Variants in NPFFR2 observed in about 807,000 individuals in gnomAD.
The protein encoded by NPFFR2 is neuropeptide FF receptor 2.
NPFFR2 carries 15 observed loss-of-function variants against 13.1 expected under a neutral mutation model. The ratio of observed to expected loss-of-function variants is 1.15; its 90% CI spans 0.77 to 1.76. NPFFR2 has a LOEUF of 1.76. NPFFR2 is among the 40% of genes most tolerant of loss of function. The pLI is 0.00. For synonymous variants in NPFFR2, 190 were observed against 175.7 expected, an observed-to-expected ratio of 1.08 and a Z score of -0.65; for missense variants, 572 against 503.5, an observed-to-expected ratio of 1.14 and a Z score of -1.30.
At chr4:72,032,547 T>C (rs1254029635) in intron 1 of NPFFR2, among the ~76,000 whole-genome samples, 1 of 152,226 alleles carries the variant, frequency 6.6e-6, no homozygotes, top group Non-Finnish European at 1.5e-5. Flanking sequence ...GGTCTGAAGC[T>C]AGCGAGTTTC....
At chr4:72,130,108 G>A (rs1352949728) in intron 2 of NPFFR2, among the ~76,000 whole-genome samples, 1 of 151,442 alleles carries the variant, frequency 6.6e-6, no homozygotes, top group Non-Finnish European at 1.5e-5. Context: ...ATTTTTCTTA[G>A]TACCTAACAA....
At position 72,049,044 on chromosome 4, in the gene NPFFR2, T is replaced by C. The variant is rs556427732; in HGVS notation, c.-8+16844T>C. 4.6e-5 allele frequency among the ~76,000 whole-genome samples: 7 copies of C among 152,192 alleles called. No homozygotes were observed. In the East Asian group the frequency reaches 1.4e-3, roughly 29 times the overall value. Reference sequence around the variant, plus strand: ...TTCCAATAAAGAAAAGGAAGAAAGTTCTCATTCCCTTATTTTTTGAACCTA... The same window carrying C: ...TTCCAATAAAGAAAAGGAAGAAAGTCCTCATTCCCTTATTTTTTGAACCTA... On this transcript the variant is annotated intron_variant, in intron 1 of 3. Coordinates refer to ENST00000308744, the MANE Select transcript of NPFFR2 (RefSeq NM_004885.3).
At chr4:72,095,411 G>A (rs1042987256) in intron 1 of NPFFR2, among the ~76,000 whole-genome samples, 1 of 152,038 alleles carries the variant, frequency 6.6e-6, no homozygotes, top group African/African-American at 2.4e-5. Flanking sequence ...GCTGTTTTTT[G>A]TTGTTGTTTT....
chr4:72,147,506 C>T lies in NPFFR2; in HGVS notation c.957C>T (p.His319=), dbSNP rs748350364. Residue 319 remains histidine, a synonymous_variant, in exon 4 of 4, where the codon CAC becomes CAT. Coordinates refer to ENST00000308744, the MANE Select transcript of NPFFR2 (RefSeq NM_004885.3). ...IINIYIYPFA[H]WLAFGNSSVN... ...ACATCTACATCTACCCTTTTGCACA[C>T]TGGCTGGCATTCGGCAACAGCAGTG... 6.2e-7 allele frequency: 1 copy of T among 1,614,110 alleles called. No individual in the cohort carries two copies. Among genetic ancestry groups the T allele is most frequent in the African/African-American group, 1.3e-5 (1 of 74,932 alleles).
chr4:72,128,404 A>C, intron 1 of NPFFR2, among the ~76,000 whole-genome samples, 181 bp from the exon 2 acceptor site: 1 of 152,186 alleles, frequency 6.6e-6, no homozygotes, highest in Middle Eastern at 3.2e-3. Context: ...CTCTTGGTTA[A>C]AATCCTAATA....
chr4:72,098,688 T>G (rs575657358), intron 1 of NPFFR2, among the ~76,000 whole-genome samples: 10 of 152,244 alleles, frequency 6.6e-5, no homozygotes, highest in African/African-American at 2.2e-4. Flanking sequence ...GCTAGAAACT[T>G]TACTCACTCC....
At position 72,127,403 on chromosome 4, in the gene NPFFR2, G is replaced by A. The variant is rs868360815; in HGVS notation, c.-7-1182G>A. Among the ~76,000 whole-genome samples the A allele has an allele frequency of 1.5e-4, 13 of 84,392 alleles. No individual in the cohort carries two copies. The East Asian group carries it at 2.2e-3, about 14-fold the overall frequency. 55.4% of individuals were successfully genotyped at this position (84,392 alleles called of 152,430 possible). Reference sequence around the variant, plus strand: ...TTTTGAGACGGAGTCTCGCTCTGTCGCCCAGGCTGGAGTGCAGTGGCGCGA... The same window carrying A: ...TTTTGAGACGGAGTCTCGCTCTGTCACCCAGGCTGGAGTGCAGTGGCGCGA... On this transcript the variant is annotated intron_variant, in intron 1 of 3. Coordinates refer to ENST00000308744, the MANE Select transcript of NPFFR2 (RefSeq NM_004885.3).
At chr4:72,048,893 G>A (rs1219876614) in intron 1 of NPFFR2, among the ~76,000 whole-genome samples, 2 of 151,968 alleles carry the variant, frequency 1.3e-5, no homozygotes, top group Non-Finnish European at 2.9e-5. Flanking sequence ...GCCACAGTGA[G>A]GGGTCAGGTT....
intron 1 of NPFFR2, among the ~76,000 whole-genome samples, chr4:72,101,769 T>A (rs1287923677): frequency 2.0e-5 from 3 of 151,886 alleles, no homozygotes; most frequent in African/African-American, 7.2e-5. Flanking sequence ...ATGTGAAAAA[T>A]AATCAGCTGG....
chr4:72,101,726 G>A (rs1018711736), intron 1 of NPFFR2, among the ~76,000 whole-genome samples: 4 of 151,922 alleles, frequency 2.6e-5, no homozygotes, highest in African/African-American at 9.7e-5. Context: ...AAGCAAAGGA[G>A]TAGAAAACCA....
At chr4:72,038,551 C>G (rs1560390513) in intron 1 of NPFFR2, among the ~76,000 whole-genome samples, 1 of 152,064 alleles carries the variant, frequency 6.6e-6, no homozygotes, top group Non-Finnish European at 1.5e-5. Context: ...GTTGATCCTA[C>G]CTTAGCTAAA....
At chr4:72,146,618 T>G in intron 3 of NPFFR2, 1 of 193,458 alleles carries the variant, frequency 5.2e-6, no homozygotes, top group Non-Finnish European at 1.1e-5. Context: ...GTGTAATTAT[T>G]GGTAAGATTT....
intron 3 of NPFFR2, chr4:72,146,756 A>G (rs1722792977): frequency 2.0e-6 from 1 of 488,782 alleles, no homozygotes. Context: ...TTTATTATTA[A>G]TAGTGTCTGC....
At chr4:72,122,714 G>T (rs546773489) in intron 1 of NPFFR2, among the ~76,000 whole-genome samples, 1 of 152,172 alleles carries the variant, frequency 6.6e-6, no homozygotes, top group African/African-American at 2.4e-5. Context: ...TGAGAACAAA[G>T]ACACCATGTA....
intron 1 of NPFFR2, among the ~76,000 whole-genome samples, chr4:72,072,092 C>G (rs1298662721): frequency 5.3e-5 from 8 of 152,060 alleles, no homozygotes; most frequent in Admixed American, 1.3e-4. Context: ...AGCAGCAAAT[C>G]CTGGTGAAGA....
chr4:72,067,572 AT>A (rs1208001586), intron 1 of NPFFR2, among the ~76,000 whole-genome samples: 3 of 152,018 alleles, frequency 2.0e-5, no homozygotes, highest in Non-Finnish European at 4.4e-5. Context: ...CAGGCTGAGC[AT>A]TTTTTCAAAT....
At chr4:72,112,705 T>A (rs1271402866) in intron 1 of NPFFR2, among the ~76,000 whole-genome samples, 2 of 151,960 alleles carry the variant, frequency 1.3e-5, no homozygotes, top group Non-Finnish European at 2.9e-5. Flanking sequence ...GTCTCATATG[T>A]CTCACAATGA....
At chr4:72,116,744 T>G (rs889415180) in intron 1 of NPFFR2, among the ~76,000 whole-genome samples, 1 of 152,220 alleles carries the variant, frequency 6.6e-6, no homozygotes, top group African/African-American at 2.4e-5. Flanking sequence ...TTCGTTTGAT[T>G]AAATCTTTTG....
intron 1 of NPFFR2, among the ~76,000 whole-genome samples, chr4:72,120,153 A>G (rs1436997936): frequency 6.6e-6 from 1 of 152,224 alleles, no homozygotes; most frequent in East Asian, 1.9e-4. Context: ...CAGTGTAAAC[A>G]AAGCCTCCAG....
Sources: allele counts gnomAD v4.1 joint callset (sites outside exome capture counted in the v4.1 genomes callset), GRCh38; gene constraint gnomAD v4.1.1; transcripts MANE v1.5; gene names NCBI Gene and HGNC (gene_info 2026-07-23, HGNC 2026-07-21).